The following LDB2 variants were observed in gnomAD, a reference collection of about 807,000 sequenced individuals.
LDB2 encodes LIM domain binding 2.
In LDB2, 12 loss-of-function variants were observed where a neutral mutation model predicts 44.3. The ratio of observed to expected loss-of-function variants is 0.27; its 90% CI spans 0.17 to 0.44. LDB2 has a LOEUF of 0.44. Among genes scored for constraint, LDB2 ranks in the 20% least tolerant of loss-of-function variants. The probability of loss-of-function intolerance (pLI) is 1.00; values close to 1 mark genes in which losing one functional copy is unlikely to be tolerated. For synonymous variants in LDB2, 164 were observed against 174.8 expected (o/e 0.94, Z 0.49); for missense variants, 344 against 473.5 (o/e 0.73, Z 2.54).
intron 2 of LDB2, among the ~76,000 whole-genome samples, chr4:16,665,495 G>A (rs975718793): frequency 6.6e-6 from 1 of 152,084 alleles, no homozygotes; most frequent in Non-Finnish European, 1.5e-5. Context: ...TCGATCTCCT[G>A]ACCTCATGAT....
chr4:16,739,678 GTGTATATATGTA>G (rs1561056044), intron 2 of LDB2, among the ~76,000 whole-genome samples: 1 of 64,228 alleles, frequency 1.6e-5, no homozygotes, highest in African/African-American at 6.2e-5. Context: ...ATACATATGT[GTGTATATATGTA>G]TATATACATA....
At chr4:16,729,714 A>G (rs1368588532) in intron 2 of LDB2, among the ~76,000 whole-genome samples, 2 of 152,168 alleles carry the variant, frequency 1.3e-5, no homozygotes, top group Non-Finnish European at 2.9e-5. Context: ...CCGACACATG[A>G]GCAAGCTGAT....
chr4:16,732,643 T>C (rs1209617032), intron 2 of LDB2, among the ~76,000 whole-genome samples: 2 of 152,176 alleles, frequency 1.3e-5, no homozygotes, highest in Non-Finnish European at 2.9e-5. Context: ...AGAACTCAAA[T>C]TGGAAAACGA....
rs565301443 is a variant in LDB2, at chr4:16,708,743, A to C, written c.235+50415T>G. Among the ~76,000 whole-genome samples, 3 of 152,194 alleles carry C rather than the reference A, an allele frequency of 2.0e-5. No individual in the cohort carries two copies. In the South Asian group the frequency reaches 6.2e-4, roughly 32 times the overall value. The stretch of plus-strand genomic sequence containing the variant: ...AGACATAATTATATTAGGGAAGTAC[A>C]AAGACCTATAAGAACAGAAGCCTCT... On this transcript the variant is annotated intron_variant, in intron 2 of 7. Coordinates refer to ENST00000304523, the MANE Select transcript of LDB2 (RefSeq NM_001290.5).
At chr4:16,627,309 C>T (rs904545634) in intron 2 of LDB2, among the ~76,000 whole-genome samples, 10 of 152,254 alleles carry the variant, frequency 6.6e-5, no homozygotes, top group Non-Finnish European at 1.5e-4. Context: ...GCCCATACTA[C>T]TGGGAGCAGT....
intron 2 of LDB2, among the ~76,000 whole-genome samples, chr4:16,634,018 T>G (rs1415875008): frequency 6.6e-6 from 1 of 152,144 alleles, no homozygotes; most frequent in Non-Finnish European, 1.5e-5. Context: ...GGGGAAAACA[T>G]GCTCTATTTA....
chr4:16,596,695 A>G (rs1465649906), intron 2 of LDB2, among the ~76,000 whole-genome samples: 1 of 152,196 alleles, frequency 6.6e-6, no homozygotes, highest in African/African-American at 2.4e-5. Context: ...ATTTTAAGAG[A>G]AGTTGATACC....
intron 1 of LDB2, among the ~76,000 whole-genome samples, chr4:16,876,449 T>C (rs1190245035): frequency 6.6e-6 from 1 of 152,206 alleles, no homozygotes; most frequent in Non-Finnish European, 1.5e-5. Flanking sequence ...GTCACCCTAA[T>C]GTATTCATAT....
chr4:16,739,652 GTGTA>G lies in LDB2; in HGVS notation c.235+19502_235+19505del, dbSNP rs1561055412. The stretch of plus-strand genomic sequence containing the variant: ...TGTATATATGTATATATACATATGT[GTGTA>G]TATATGTATATATACATATGTGTGT... On this transcript the variant is annotated intron_variant, in intron 2 of 7. Transcript: ENST00000304523. Among the ~76,000 whole-genome samples the G allele has an allele frequency of 1.3e-4, 8 of 62,084 alleles. 2 individuals carry two copies. Among genetic ancestry groups the G allele is most frequent in the African/African-American group, 3.9e-4 (6 of 15,380 alleles). 40.7% of individuals were successfully genotyped at this position (62,084 alleles called of 152,430 possible). A position where few individuals can be genotyped will look rare whatever the true frequency, so the allele number is the denominator to read the frequency against.
intron 2 of LDB2, among the ~76,000 whole-genome samples, chr4:16,638,812 G>A (rs1433828444): frequency 6.6e-6 from 1 of 151,886 alleles, no homozygotes; most frequent in African/African-American, 2.4e-5. Context: ...ACAAACAAGG[G>A]CACAGATTGA....
chr4:16,768,513 C>A (rs554573146), intron 1 of LDB2, among the ~76,000 whole-genome samples: 1 of 152,084 alleles, frequency 6.6e-6, no homozygotes, highest in Non-Finnish European at 1.5e-5. Context: ...GCCTACATTT[C>A]TTTTTCTGCC....
At chr4:16,894,134 A>G (rs1355999133) in intron 1 of LDB2, among the ~76,000 whole-genome samples, 1 of 152,142 alleles carries the variant, frequency 6.6e-6, no homozygotes, top group African/African-American at 2.4e-5. Context: ...TTCAGAACAT[A>G]TTTTTATATC....
At chr4:16,556,078 T>C (rs1337703755) in intron 5 of LDB2, among the ~76,000 whole-genome samples, 1 of 152,204 alleles carries the variant, frequency 6.6e-6, no homozygotes, top group Non-Finnish European at 1.5e-5. Flanking sequence ...ACTATCACCT[T>C]CTCAGAGAAG....
At chr4:16,769,861 C>A (rs1181864287) in intron 1 of LDB2, among the ~76,000 whole-genome samples, 1 of 152,072 alleles carries the variant, frequency 6.6e-6, no homozygotes, top group African/African-American at 2.4e-5. Flanking sequence ...CTGTCTAGTG[C>A]CTGTGGATGC....
intron 1 of LDB2, among the ~76,000 whole-genome samples, chr4:16,779,342 A>C (rs994425679): frequency 6.6e-6 from 1 of 152,062 alleles, no homozygotes; most frequent in Non-Finnish European, 1.5e-5. Flanking sequence ...GTCATCTAAA[A>C]CCTTTTATGG....
intron 5 of LDB2, among the ~76,000 whole-genome samples, chr4:16,547,157 A>C (rs1023131051): frequency 6.6e-6 from 1 of 152,208 alleles, no homozygotes; most frequent in Non-Finnish European, 1.5e-5. Context: ...GAGGACAAAG[A>C]GAGACACAGA....
chr4:16,897,117 T>C (rs879320860), intron 1 of LDB2, among the ~76,000 whole-genome samples: 5 of 152,240 alleles, frequency 3.3e-5, no homozygotes, highest in African/African-American at 1.2e-4. Flanking sequence ...TCTTGTTAGC[T>C]GTATTAAATA....
chr4:16,612,379 G>A (rs1458643683), intron 2 of LDB2, among the ~76,000 whole-genome samples: 1 of 150,948 alleles, frequency 6.6e-6, no homozygotes, highest in Non-Finnish European at 1.5e-5. Flanking sequence ...AAGAATTGAA[G>A]GAGACAGAGA....
chr4:16,613,233 A>G (rs1726176320), intron 2 of LDB2, among the ~76,000 whole-genome samples: 1 of 152,364 alleles, frequency 6.6e-6, no homozygotes, highest in African/African-American at 2.4e-5. Flanking sequence ...AGAGCTATTT[A>G]TAACAAACCT....
Sources: gnomAD v4.1 joint callset for allele counts (sites outside exome capture counted in the v4.1 genomes callset) on GRCh38, gnomAD v4.1.1 for gene constraint, MANE v1.5 for transcripts, NCBI Gene and HGNC (gene_info 2026-07-23, HGNC 2026-07-21) for gene names.